THAP4: variants seen among roughly 807,000 people sequenced by gnomAD.
THAP4 encodes THAP domain containing 4, also known as peroxynitrite isomerase THAP4.
A neutral mutation model predicts 48.1 loss-of-function variants in THAP4; 18 were observed. The observed-to-expected ratio is 0.37, with a 90% CI of 0.26 to 0.56. THAP4 has a LOEUF of 0.56. THAP4 is among the 20% of genes least tolerant of loss of function. The pLI is 0.78. For missense variants in THAP4, 656 were observed against 774.9 expected (o/e 0.85, Z 1.82); for synonymous variants, 345 against 324.9 (o/e 1.06, Z -0.66).
intron 1 of THAP4, among the ~76,000 whole-genome samples, chr2:241,636,604 C>G (rs2067662818): frequency 1.3e-5 from 2 of 152,364 alleles, no homozygotes; most frequent in South Asian, 4.1e-4. Context: ...GCCGACGGCC[C>G]GCGCGGTCCG....
intron 5 of THAP4, among the ~76,000 whole-genome samples, chr2:241,597,177 C>T (rs1273688634): frequency 6.6e-6 from 1 of 152,134 alleles, no homozygotes; most frequent in Non-Finnish European, 1.5e-5. Flanking sequence ...GTCGCCCAGG[C>T]TGGAGTGCAG....
intron 2 of THAP4, among the ~76,000 whole-genome samples, chr2:241,609,007 C>T (rs972084022): frequency 6.6e-6 from 1 of 152,234 alleles, no homozygotes; most frequent in African/African-American, 2.4e-5. Context: ...GAGATCCTCA[C>T]CCCTCGGAAG....
At chr2:241,584,863 A>G in intron 5 of THAP4, 138 bp from the exon 6 acceptor site, 1 of 1,086,840 alleles carries the variant, frequency 9.2e-7, no homozygotes, top group Non-Finnish European at 1.4e-6. Context: ...GGGTAGACAC[A>G]CAGCCCAGGG....
chr2:241,595,529 C>T (rs1328116592), intron 5 of THAP4, among the ~76,000 whole-genome samples: 4 of 151,264 alleles, frequency 2.6e-5, no homozygotes, highest in South Asian at 2.1e-4. Flanking sequence ...CCCAGCTACT[C>T]GGGAGGCTGA....
intron 2 of THAP4, among the ~76,000 whole-genome samples, chr2:241,619,203 C>T (rs1488399445): frequency 1.3e-5 from 2 of 152,172 alleles, no homozygotes; most frequent in East Asian, 1.9e-4. Flanking sequence ...AGAAACTCCA[C>T]GACAACAGGG....
intron 2 of THAP4, among the ~76,000 whole-genome samples, chr2:241,632,099 CT>C (rs1029709218): frequency 6.8e-5 from 10 of 146,064 alleles, no homozygotes; most frequent in East Asian, 2.0e-4. Flanking sequence ...AGATGTGTGT[CT>C]TTTTTTTTTG....
At chr2:241,603,913 G>T (rs2067148424) in intron 3 of THAP4, among the ~76,000 whole-genome samples, 1 of 151,834 alleles carries the variant, frequency 6.6e-6, no homozygotes, top group Admixed American at 6.6e-5. Context: ...AGCACTTCAG[G>T]GGCCCAGTCG....
intron 5 of THAP4, among the ~76,000 whole-genome samples, chr2:241,597,854 C>T (rs1007762801): frequency 1.3e-5 from 2 of 152,192 alleles, no homozygotes; most frequent in Non-Finnish European, 2.9e-5. Flanking sequence ...TTCCCCTAAG[C>T]GCCATGCCCA....
intron 3 of THAP4, among the ~76,000 whole-genome samples, chr2:241,604,262 T>TTTAA (rs1362270899): frequency 6.1e-4 from 93 of 151,872 alleles, no homozygotes; most frequent in Middle Eastern, 3.4e-3. Flanking sequence ...TATTTATTTA[T>TTTAA]TTTTTGAGAC....
chr2:241,637,270 A>G (rs909123546), upstream of THAP4: 5 of 1,093,734 alleles, frequency 4.6e-6, no homozygotes, highest in Non-Finnish European at 5.6e-6. Flanking sequence ...GGCCCCTCGC[A>G]GCGTCCGTCG....
At chr2:241,584,855 G>A (rs2125063283) in intron 5 of THAP4, 130 bp from the exon 6 acceptor site, 1 of 1,201,060 alleles carries the variant, frequency 8.3e-7, no homozygotes, top group Non-Finnish European at 1.2e-6. Flanking sequence ...CCAGAGGAGG[G>A]TAGACACACA....
chr2:241,608,664 G>A lies in THAP4; in HGVS notation c.1241-2191C>T, dbSNP rs149504643. ...TCAACGTGCTGGACACTCTTCCAGG[G>A]AGAAGCTGACGGAACAGTCATACAT... On this transcript the variant is annotated intron_variant, in intron 2 of 5. Coordinates refer to ENST00000407315, the MANE Select transcript of THAP4 (RefSeq NM_015963.6). Among the ~76,000 whole-genome samples, 172 of 152,374 alleles carry A rather than the reference G, an allele frequency of 1.1e-3. 1 individual carries two copies. Among genetic ancestry groups the A allele is most frequent in the African/African-American group, 3.7e-3 (155 of 41,586 alleles).
At chr2:241,637,505 C>G (rs1369699722), upstream of THAP4, 2 of 1,438,770 alleles carry the variant, frequency 1.4e-6, no homozygotes, top group African/African-American at 1.5e-5. Flanking sequence ...CACGACACGA[C>G]CCCATGCCGC....
rs1306918212 is a variant in THAP4, at chr2:241,610,356, C to G, written c.1241-3883G>C. Among the ~76,000 whole-genome samples, 1 of 152,190 alleles carries G rather than the reference C, an allele frequency of 6.6e-6. No homozygotes were observed. The highest frequency in any genetic ancestry group is 2.4e-5 in the African/African-American group (1 of 41,466). ...CCTGCGGGACCGGGAGGGCCGCGCT[C>G]GCCCCCCAGCGCCAGGGTCACGCCA... is the stretch of plus-strand genomic sequence containing the variant. On this transcript the variant is annotated intron_variant, in intron 2 of 5. Coordinates refer to ENST00000407315, the MANE Select transcript of THAP4 (RefSeq NM_015963.6). The surrounding 1 kb of genome is among the most constrained non-coding windows in gnomAD (Gnocchi z 4.2).
chr2:241,585,386 GTGTGGGGGGTCA>G (rs1295696761), intron 5 of THAP4, among the ~76,000 whole-genome samples: 1 of 150,568 alleles, frequency 6.6e-6, no homozygotes, highest in Non-Finnish European at 1.5e-5. Flanking sequence ...TGCCCCAGAT[GTGTGGGGGGTCA>G]TGTGGGGTGG....
rs150605259 is a variant in THAP4 at position 241,585,279 on chromosome 2, C to T, written c.1615-554G>A. Among the ~76,000 whole-genome samples the T allele has an allele frequency of 3.3e-3, 500 of 152,172 alleles. 2 individuals carry two copies. Among genetic ancestry groups the T allele is most frequent in the East Asian group, 0.011 (55 of 5,182 alleles). ...ATCCAAGCCTATGGCAGCTAAGTCC[C>T]GAATGAGTCAGCCCTATATGCCCAG... On this transcript the variant is annotated intron_variant, in intron 5 of 5. Transcript: ENST00000407315.
chr2:241,629,161 C>G lies in THAP4; in HGVS notation c.1240+3756G>C, dbSNP rs192354330. Reference sequence around the variant, plus strand: ...CAACAGTTACACAAAGAGGGGCTCACGTGTTTGTTTTTAAAACTGAAAGAT... The same window carrying G: ...CAACAGTTACACAAAGAGGGGCTCAGGTGTTTGTTTTTAAAACTGAAAGAT... On this transcript the variant is annotated intron_variant, in intron 2 of 5. Transcript: ENST00000407315. 6.0e-3 allele frequency among the ~76,000 whole-genome samples: 919 copies of G among 152,088 alleles called. 5 individuals are homozygous for G. The highest frequency in any genetic ancestry group is 9.5e-3 in the Non-Finnish European group (649 of 67,980).
In THAP4 at chr2:241,605,030, C is replaced by T. The variant is rs139070553; in HGVS notation, c.1400+1284G>A. 6.5e-4 allele frequency among the ~76,000 whole-genome samples: 99 copies of T among 152,266 alleles called. 1 individual carries two copies. Among genetic ancestry groups the T allele is most frequent in the African/African-American group, 2.3e-3 (97 of 41,558 alleles). On this transcript the variant is annotated intron_variant, in intron 3 of 5. Transcript: ENST00000407315. ...TTTTCCACTCTGGTTCATTTTTCTT[C>T]GAATGCTAGTCACAAAATTGACTTT... is the stretch of plus-strand genomic sequence containing the variant.
chr2:241,584,938 G>A, intron 5 of THAP4: 1 of 604,796 alleles, frequency 1.7e-6, no homozygotes, highest in Non-Finnish European at 2.9e-6. Context: ...GGGGAACACA[G>A]GGATTGTTTA....
Sources: gnomAD v4.1 joint callset for allele counts (sites outside exome capture counted in the v4.1 genomes callset) on GRCh38, gnomAD v4.1.1 for gene constraint, Gnocchi (gnomAD v3.1) non-coding constraint, MANE v1.5 for transcripts, NCBI Gene and HGNC (gene_info 2026-07-23, HGNC 2026-07-21) for gene names.